The following PPFIBP1 variants were observed in gnomAD, a reference collection of about 807,000 sequenced individuals.
PPFIBP1 encodes liprin-beta-1.
PPFIBP1 carries 112 observed loss-of-function variants against 137.8 expected under a neutral mutation model. That is an observed-to-expected ratio of 0.81 (90% CI 0.70 to 0.95). The LOEUF is 0.95. PPFIBP1 is among the 40% of genes least tolerant of loss of function. The pLI is 0.00. For missense variants in PPFIBP1, 1,083 were observed against 1,196.6 expected (o/e 0.91, Z 1.40); for synonymous variants, 378 against 417.3 (o/e 0.91, Z 1.15).
At chr12:27,670,614 A>G (rs1490096720) in intron 13 of PPFIBP1, among the ~76,000 whole-genome samples, 1 of 152,046 alleles carries the variant, frequency 6.6e-6, no homozygotes, top group Non-Finnish European at 1.5e-5. Context: ...TGTTTCTACA[A>G]AAAAATTTTA....
chr12:27,561,710 T>C (rs1471407), intron 1 of PPFIBP1, among the ~76,000 whole-genome samples: 132,223 of 151,912 alleles, frequency 0.87, 57,762 homozygotes, highest in Non-Finnish European at 0.9. Flanking sequence ...TTTCTGTAGT[T>C]CTCCGAGCAC....
At position 27,566,374 on chromosome 12, in the gene PPFIBP1, C is replaced by T. The variant is rs552211510; in HGVS notation, c.-123-11778C>T. On this transcript the variant is annotated intron_variant, in intron 1 of 29. Transcript: ENST00000228425. ...TGTATTCCAGGACAGCTGACTCCACCTGCTGTTCGCAAAATATGGAAAGTA... is the reference window on the plus strand; with the variant it reads ...TGTATTCCAGGACAGCTGACTCCACTTGCTGTTCGCAAAATATGGAAAGTA... 2.9e-4 allele frequency among the ~76,000 whole-genome samples: 44 copies of T among 152,286 alleles called. No homozygotes were observed. The South Asian group carries it at 8.5e-3, about 29-fold the overall frequency.
rs869044515 is a variant in PPFIBP1 at position 27,563,277 on chromosome 12, TAAAAAAAAAAAA to T, written c.-123-14856_-123-14845del. 4.8e-3 allele frequency among the ~76,000 whole-genome samples: 107 copies of T among 22,174 alleles called. No individual in the cohort carries two copies. In the East Asian group the frequency reaches 0.1, roughly 21 times the overall value. 14.5% of individuals were successfully genotyped at this position (22,174 alleles called of 152,430 possible). On this transcript the variant is annotated intron_variant, in intron 1 of 29. Transcript: ENST00000228425. ...TAACACGGTGAAAACCCATCTCTAC[TAAAAAAAAAAAA>T]AAAAAAAAAAAAAAAAAATTAGCTG...
chr12:27,633,180 T>TA (rs1197995336), intron 2 of PPFIBP1, among the ~76,000 whole-genome samples, 182 bp from the exon 3 acceptor site: 1 of 152,170 alleles, frequency 6.6e-6, no homozygotes, highest in African/African-American at 2.4e-5. Flanking sequence ...TATTAACTGA[T>TA]ACAGGTATCG....
At chr12:27,600,951 T>A (rs1433092427) in intron 2 of PPFIBP1, among the ~76,000 whole-genome samples, 1 of 152,216 alleles carries the variant, frequency 6.6e-6, no homozygotes, top group Non-Finnish European at 1.5e-5. Flanking sequence ...CTTGAAATAT[T>A]TATCATTTTT....
chr12:27,681,990 TG>T (rs1302873789), intron 22 of PPFIBP1, among the ~76,000 whole-genome samples: 8 of 34,428 alleles, frequency 2.3e-4, no homozygotes, highest in South Asian at 1.3e-3. Flanking sequence ...ATCATTGGCC[TG>T]TTTTTCTCAG....
intron 2 of PPFIBP1, among the ~76,000 whole-genome samples, chr12:27,590,431 C>T (rs2052358495): frequency 6.6e-6 from 1 of 152,172 alleles, no homozygotes; most frequent in Non-Finnish European, 1.5e-5. Flanking sequence ...CCACCTCGGC[C>T]TCCCAAAGTG....
intron 24 of PPFIBP1, among the ~76,000 whole-genome samples, chr12:27,685,468 C>T (rs2061150170): frequency 6.6e-6 from 1 of 152,094 alleles, no homozygotes; most frequent in Non-Finnish European, 1.5e-5. Context: ...CTTTTAATAG[C>T]TCACGATTAT....
chr12:27,627,467 T>A (rs11830444), intron 2 of PPFIBP1, among the ~76,000 whole-genome samples: 2,026 of 152,324 alleles, frequency 0.013, 44 homozygotes, highest in African/African-American at 0.045. Flanking sequence ...TTAGTCTCAG[T>A]GAATTGTATC....
chr12:27,655,047 A>G, intron 8 of PPFIBP1: 1 of 1,088,844 alleles, frequency 9.2e-7, no homozygotes, highest in Non-Finnish European at 1.3e-6. Flanking sequence ...TCTGAGTTGT[A>G]TCTAACCTCC....
chr12:27,638,669 C>G (rs926528732), intron 4 of PPFIBP1, among the ~76,000 whole-genome samples: 2 of 152,082 alleles, frequency 1.3e-5, no homozygotes, highest in African/African-American at 2.4e-5. Flanking sequence ...TAAGAGCAAC[C>G]CTTTGCAATG....
At chr12:27,539,729 A>G (rs910345103) in intron 1 of PPFIBP1, among the ~76,000 whole-genome samples, 11 of 152,170 alleles carry the variant, frequency 7.2e-5, no homozygotes, top group African/African-American at 1.7e-4. Context: ...TAAAGGTAAT[A>G]TATGTATCTT....
chr12:27,524,710 A>C (rs1943525886), intron 1 of PPFIBP1, among the ~76,000 whole-genome samples: 2 of 152,162 alleles, frequency 1.3e-5, no homozygotes, highest in African/African-American at 4.8e-5. Flanking sequence ...GAGGCATTTA[A>C]AAATGCCACA....
intron 2 of PPFIBP1, among the ~76,000 whole-genome samples, chr12:27,620,167 G>T (rs758226087): frequency 6.6e-6 from 1 of 152,078 alleles, no homozygotes; most frequent in Non-Finnish European, 1.5e-5. Context: ...TTCTTAGGAA[G>T]GATACTTCTT....
At chr12:27,671,352 T>C in intron 13 of PPFIBP1, 79 bp from the exon 14 acceptor site, 1 of 788,486 alleles carries the variant, frequency 1.3e-6, no homozygotes, top group Non-Finnish European at 2.0e-6. Flanking sequence ...CCGTTTAATT[T>C]TCTTATGTTT....
chr12:27,661,219 T>C (rs9651827), intron 11 of PPFIBP1, among the ~76,000 whole-genome samples: 3,300 of 152,324 alleles, frequency 0.022, 125 homozygotes, highest in African/African-American at 0.076. Context: ...AGAGAGAGGA[T>C]ACATTCCATA....
At chr12:27,652,777 A>G (rs541533923) in intron 7 of PPFIBP1, among the ~76,000 whole-genome samples, 3 of 152,348 alleles carry the variant, frequency 2.0e-5, no homozygotes, top group African/African-American at 7.2e-5. Flanking sequence ...ATGAGAAAGT[A>G]GGAAAATATA....
At chr12:27,668,899 C>T (rs990959811) in intron 13 of PPFIBP1, among the ~76,000 whole-genome samples, 19 of 152,154 alleles carry the variant, frequency 1.2e-4, no homozygotes, top group Non-Finnish European at 2.6e-4. Flanking sequence ...GGTTTTACAG[C>T]CACATCCTTG....
rs1592767255 is a variant in PPFIBP1 at position 27,601,659 on chromosome 12, C to G, written c.-36+23420C>G. On this transcript the variant is annotated intron_variant, in intron 2 of 29. Coordinates refer to ENST00000228425, the MANE Select transcript of PPFIBP1 (RefSeq NM_003622.4). ...CCAGGACTCCCTGCAGCCATGCTGC[C>G]TCTTTTGAGAACTGACCTCAGCTGA... Among the ~76,000 whole-genome samples, 3 of 149,578 alleles carry G rather than the reference C, an allele frequency of 2.0e-5. 1 individual carries two copies. Among genetic ancestry groups the G allele is most frequent in the African/African-American group, 7.3e-5 (3 of 41,148 alleles).
Sources: gnomAD v4.1 joint callset for allele counts (sites outside exome capture counted in the v4.1 genomes callset) on GRCh38, gnomAD v4.1.1 for gene constraint, MANE v1.5 for transcripts, NCBI Gene and HGNC (gene_info 2026-07-23, HGNC 2026-07-21) for gene names.